Variants in MEGF6 observed in about 807,000 individuals in gnomAD.
MEGF6 encodes multiple epidermal growth factor-like domains protein 6.
In MEGF6, 184 loss-of-function variants were observed where a neutral mutation model predicts 207.1. The observed-to-expected ratio is 0.89, with a 90% CI of 0.79 to 1.00. MEGF6 has a LOEUF of 1.00. Among genes scored for constraint, MEGF6 ranks in the 50% least tolerant of loss-of-function variants. The probability of loss-of-function intolerance (pLI) is 0.00; values close to 1 mark genes in which losing one functional copy is unlikely to be tolerated. For missense variants in MEGF6, 2,282 were observed against 2,202.9 expected (o/e 1.04, Z -0.72); for synonymous variants, 1,038 against 910.0 (o/e 1.14, Z -2.53).
intron 5 of MEGF6, among the ~76,000 whole-genome samples, chr1:3,521,160 C>T (rs990062188): frequency 2.8e-4 from 43 of 152,156 alleles, no homozygotes; most frequent in East Asian, 1.9e-4. Context: ...AGGGGCTCCA[C>T]GGCAGCCCCA....
chr1:3,507,559 T>C (rs1238964106), intron 14 of MEGF6, among the ~76,000 whole-genome samples: 1 of 152,134 alleles, frequency 6.6e-6, no homozygotes, highest in African/African-American at 2.4e-5. Context: ...CTGGGAAAAT[T>C]AGCAACAGTG....
chr1:3,512,292 C>T (rs1641381495), intron 7 of MEGF6, among the ~76,000 whole-genome samples, 164 bp from the exon 8 acceptor site: 1 of 152,260 alleles, frequency 6.6e-6, no homozygotes, highest in African/African-American at 2.4e-5. Flanking sequence ...TAGTCACAGC[C>T]CTGCAGGTCC....
intron 5 of MEGF6, among the ~76,000 whole-genome samples, chr1:3,518,350 C>A (rs1255739936): frequency 2.0e-5 from 3 of 152,240 alleles, no homozygotes; most frequent in African/African-American, 4.8e-5. Context: ...CAGGTCCACT[C>A]GGGCTGGGGT....
In MEGF6 at chr1:3,509,893, T is replaced by G. The variant is rs1168851143; in HGVS notation, c.1334A>C (p.His445Pro). Reference sequence around the variant, plus strand: ...ACGGCTGCAGCCCCTACGGTCCTCGTGCAGCCGGTAGCCGGCCTCGCAGGA... The same window carrying G: ...ACGGCTGCAGCCCCTACGGTCCTCGGGCAGCCGGTAGCCGGCCTCGCAGGA... ...QCSCEAGYRL[H>P]EDRRGCSPLE... Residue 445 changes from histidine to proline, a missense_variant, in exon 11 of 37, where the codon CAC becomes CCC. Transcript: ENST00000356575. The G allele has an allele frequency of 5.1e-6, 8 of 1,560,216 alleles. No individual in the cohort carries two copies. The highest frequency in any genetic ancestry group is 6.1e-6 in the Non-Finnish European group (7 of 1,155,000).
intron 26 of MEGF6, 54 bp from the exon 27 acceptor site, chr1:3,497,415 T>C: frequency 6.8e-7 from 1 of 1,473,570 alleles, no homozygotes; most frequent in Non-Finnish European, 9.0e-7. Flanking sequence ...TGGGGATCTG[T>C]GGGCCAGGAC....
chr1:3,605,931 C>T (rs1042098416), intron 1 of MEGF6, among the ~76,000 whole-genome samples: 22 of 152,234 alleles, frequency 1.4e-4, no homozygotes, highest in African/African-American at 4.8e-4. Context: ...GTGGCACCCC[C>T]GTGCTTCCTG....
At chr1:3,545,664 A>T (rs375710893) in intron 4 of MEGF6, among the ~76,000 whole-genome samples, 1 of 152,102 alleles carries the variant, frequency 6.6e-6, no homozygotes, top group African/African-American at 2.4e-5. Context: ...ACCCCAGTGG[A>T]GCCCCTTTCA....
chr1:3,570,867 C>T (rs1163423208), intron 4 of MEGF6, among the ~76,000 whole-genome samples: 1 of 152,178 alleles, frequency 6.6e-6, no homozygotes, highest in Non-Finnish European at 1.5e-5. Context: ...GAGGCTCAGC[C>T]CTCCCTCCAG....
At position 3,499,801 on chromosome 1, in the gene MEGF6, T is replaced by TCGCAG; in HGVS notation, c.2826_2830dup (p.Glu944AlafsTer30). ...CCGCCTGTGCCGTAGCTCACCATGC[T>TCGCAG]CGCAGAAGGTGCCCCTCCAGCCGGC... On this transcript the variant is annotated frameshift_variant, in exon 22 of 37. Coordinates refer to ENST00000356575, the MANE Select transcript of MEGF6 (RefSeq NM_001409.4). LOFTEE classifies it high-confidence loss of function. 1 of 1,558,526 alleles carries TCGCAG rather than the reference T, an allele frequency of 6.4e-7. No individual in the cohort carries two copies. Among genetic ancestry groups the TCGCAG allele is most frequent in the Non-Finnish European group, 8.7e-7 (1 of 1,151,956 alleles).
At chr1:3,580,753 TGGCAGGGCCAGGGTGGGTG>T (rs1643777966) in intron 3 of MEGF6, among the ~76,000 whole-genome samples, 1 of 132,420 alleles carries the variant, frequency 7.6e-6, no homozygotes, top group African/African-American at 2.9e-5. Context: ...CAGGGTGGGA[TGGCAGGGCCAGGGTGGGTG>T]GGCTGCACCT....
chr1:3,496,765 T>A lies in MEGF6; in HGVS notation c.3632A>T (p.Tyr1211Phe). 6.4e-7 allele frequency: 1 copy of A among 1,558,536 alleles called. No homozygotes were observed. The highest frequency in any genetic ancestry group is 8.7e-7 in the Non-Finnish European group (1 of 1,151,634). Reference sequence around the variant, plus strand: ...ACACAGCTGTTCACAGCCTGGCCCATACCGCCCGGGCGGACATCCTGCAGG... The same window carrying A: ...ACACAGCTGTTCACAGCCTGGCCCAAACCGCCCGGGCGGACATCCTGCAGG... ...SCQQRCPPGR[Y>F]GPGCEQLCGC... is the part of the protein sequence containing the mutation. Residue 1211 changes from tyrosine (Y) to phenylalanine (F), a missense_variant, in exon 29 of 37, where the codon TAT becomes TTT. Coordinates refer to ENST00000356575, the MANE Select transcript of MEGF6 (RefSeq NM_001409.4).
intron 29 of MEGF6, among the ~76,000 whole-genome samples, chr1:3,496,301 A>G (rs1183033887): frequency 6.6e-6 from 1 of 152,178 alleles, no homozygotes; most frequent in Non-Finnish European, 1.5e-5. Flanking sequence ...TCCCTGCATG[A>G]CTGAGGGAAG....
At chr1:3,514,468 A>G in intron 7 of MEGF6, 82 bp downstream of exon 7, 3 of 1,469,194 alleles carry the variant, frequency 2.0e-6, no homozygotes, top group Non-Finnish European at 2.7e-6. Context: ...CCACGGCCCC[A>G]GAGTTAGACA....
intron 4 of MEGF6, among the ~76,000 whole-genome samples, chr1:3,569,831 T>C (rs1024617296): frequency 6.6e-6 from 1 of 152,198 alleles, no homozygotes; most frequent in Non-Finnish European, 1.5e-5. Flanking sequence ...AGGGTCCGCC[T>C]CTTAATGTCT....
At chr1:3,524,590 TG>T in intron 4 of MEGF6, among the ~76,000 whole-genome samples, 1 of 152,320 alleles carries the variant, frequency 6.6e-6, no homozygotes, top group Non-Finnish European at 1.5e-5. Flanking sequence ...AAGTGCTTCC[TG>T]GGCGGTGTCA....
intron 3 of MEGF6, among the ~76,000 whole-genome samples, chr1:3,580,604 G>A (rs1643772660): frequency 1.3e-5 from 2 of 152,132 alleles, no homozygotes; most frequent in African/African-American, 4.8e-5. Flanking sequence ...CCCCGTTACT[G>A]ACAGACCCAC....
chr1:3,516,289 C>T (rs1312194005), intron 5 of MEGF6, among the ~76,000 whole-genome samples: 1 of 152,244 alleles, frequency 6.6e-6, no homozygotes, highest in Non-Finnish European at 1.5e-5. Context: ...AGGGTGGGCA[C>T]TGGACCTCTG....
Position 3,505,358 on chromosome 1 carries a change from G to C in MEGF6, c.2054-16C>G. ...AGCTCACACTCTGCAGGGCGTGAGA[G>C]AGGGGTGGGTGGGGTTAACCGACCC... On this transcript the variant is annotated splice_polypyrimidine_tract_variant and intron_variant, in intron 16 of 36. Coordinates refer to ENST00000356575, the MANE Select transcript of MEGF6 (RefSeq NM_001409.4). 2 of 1,609,346 alleles carry C rather than the reference G, an allele frequency of 1.2e-6. No individual in the cohort carries two copies. Among genetic ancestry groups the C allele is most frequent in the Non-Finnish European group, 1.7e-6 (2 of 1,178,098 alleles).
intron 4 of MEGF6, among the ~76,000 whole-genome samples, chr1:3,561,836 G>C (rs909911258): frequency 1.3e-5 from 2 of 152,234 alleles, no homozygotes; most frequent in African/African-American, 4.8e-5. Context: ...GGTTTGTCCT[G>C]TTTCTACAAA....
Sources: allele counts gnomAD v4.1 joint callset (sites outside exome capture counted in the v4.1 genomes callset), GRCh38; gene constraint gnomAD v4.1.1; transcripts MANE v1.5; gene names NCBI Gene and HGNC (gene_info 2026-07-23, HGNC 2026-07-21).